The following WDFY1 variants were observed in gnomAD, a reference collection of about 807,000 sequenced individuals.
The protein encoded by WDFY1 is WD repeat and FYVE domain-containing protein 1.
In WDFY1, 32 loss-of-function variants were observed where a neutral mutation model predicts 56.4. The observed-to-expected ratio is 0.57, with a 90% CI of 0.43 to 0.76. The LOEUF (loss-of-function observed/expected upper bound fraction) is 0.76, where lower values mean the gene tolerates loss of function less well. WDFY1 is among the 30% of genes least tolerant of loss of function. The probability of loss-of-function intolerance (pLI) is 0.00; values close to 1 mark genes in which losing one functional copy is unlikely to be tolerated. For missense variants in WDFY1, 480 were observed against 545.7 expected (o/e 0.88, Z 1.20); for synonymous variants, 192 against 197.3 (o/e 0.97, Z 0.23).
intron 4 of WDFY1, among the ~76,000 whole-genome samples, chr2:223,903,442 G>T (rs1200519448): frequency 6.6e-6 from 1 of 151,636 alleles, no homozygotes; most frequent in Non-Finnish European, 1.5e-5. Flanking sequence ...AGAATTGACT[G>T]AACCCAGGAG....
At chr2:223,888,345 G>C (rs1393285820) in intron 8 of WDFY1, among the ~76,000 whole-genome samples, 1 of 152,110 alleles carries the variant, frequency 6.6e-6, no homozygotes, top group Non-Finnish European at 1.5e-5. Flanking sequence ...TGGGATTACA[G>C]GCGTGAGCCA....
At chr2:223,944,301 A>C (rs1302370551) in intron 1 of WDFY1, among the ~76,000 whole-genome samples, 1 of 152,240 alleles carries the variant, frequency 6.6e-6, no homozygotes, top group African/African-American at 2.4e-5. Context: ...AGAGGAGACG[A>C]TTTGGAACTG....
At position 223,937,059 on chromosome 2, in the gene WDFY1, A is replaced by G. The variant is rs150781302; in HGVS notation, c.137+8089T>C. On this transcript the variant is annotated intron_variant, in intron 1 of 11. Coordinates refer to ENST00000233055, the MANE Select transcript of WDFY1 (RefSeq NM_020830.5). ...ATGTGTCAATCTTTCTAGTGAATCA[A>G]TGAACCCGATCTTGAGGATCTCAAA... Among the ~76,000 whole-genome samples the G allele has an allele frequency of 2.8e-3, 421 of 152,328 alleles. 3 individuals carry two copies. Among genetic ancestry groups the G allele is most frequent in the African/African-American group, 9.8e-3 (408 of 41,556 alleles).
intron 2 of WDFY1, among the ~76,000 whole-genome samples, chr2:223,916,748 C>T (rs930878809): frequency 6.6e-6 from 1 of 151,502 alleles, no homozygotes; most frequent in African/African-American, 2.4e-5. Flanking sequence ...AGGATGGTGA[C>T]GCTGCTTAGA....
intron 1 of WDFY1, among the ~76,000 whole-genome samples, chr2:223,929,781 A>G (rs1382915995): frequency 6.6e-6 from 1 of 152,236 alleles, no homozygotes; most frequent in Non-Finnish European, 1.5e-5. Flanking sequence ...GAGAGATACG[A>G]TCTGAAAATC....
At chr2:223,909,564 G>A (rs1693657982) in intron 3 of WDFY1, among the ~76,000 whole-genome samples, 1 of 151,988 alleles carries the variant, frequency 6.6e-6, no homozygotes, top group Non-Finnish European at 1.5e-5. Context: ...AAGCTCACTG[G>A]TATCTTAAAC....
intron 4 of WDFY1, 70 bp from the exon 5 acceptor site, chr2:223,901,403 A>G: frequency 6.4e-7 from 1 of 1,569,312 alleles, no homozygotes; most frequent in Non-Finnish European, 8.7e-7. Context: ...ACTGAGGCTC[A>G]ACCTCTCAAT....
At position 223,894,340 on chromosome 2, in the gene WDFY1, C is replaced by A. The variant is rs1390220279; in HGVS notation, c.726-1G>T. 1 of 1,614,018 alleles carries A rather than the reference C, an allele frequency of 6.2e-7. No homozygotes were observed. Among genetic ancestry groups the A allele is most frequent in the African/African-American group, 1.3e-5 (1 of 74,938 alleles). On this transcript the variant is annotated splice_acceptor_variant, in intron 7 of 11. Coordinates refer to ENST00000233055, the MANE Select transcript of WDFY1 (RefSeq NM_020830.5). LOFTEE classifies it high-confidence loss of function. ...GTAGCACAGCGACTGCACCTTGTCA[C>A]TGCAAACAGCACACACAACAGTCAC...
At chr2:223,894,164 G>T in intron 8 of WDFY1, 70 bp downstream of exon 8, 2 of 1,527,780 alleles carry the variant, frequency 1.3e-6, no homozygotes, top group Non-Finnish European at 1.8e-6. Flanking sequence ...CTTGCGGGGT[G>T]AAAAGCCAAG....
rs184237141 is a variant in WDFY1, at chr2:223,936,621, A to C, written c.137+8527T>G. 2.8e-3 allele frequency among the ~76,000 whole-genome samples: 432 copies of C among 152,286 alleles called. 4 individuals carry two copies. The highest frequency in any genetic ancestry group is 0.01 in the African/African-American group (418 of 41,554). ...AGGCCTGCTGCTGCTGTCCTTAGAA[A>C]GTCTTGCTTGCAAGGTTGGCCCTTG... On this transcript the variant is annotated intron_variant, in intron 1 of 11. Coordinates refer to ENST00000233055, the MANE Select transcript of WDFY1 (RefSeq NM_020830.5).
chr2:223,913,693 T>C (rs1413784767), intron 2 of WDFY1, among the ~76,000 whole-genome samples: 1 of 152,216 alleles, frequency 6.6e-6, no homozygotes. Flanking sequence ...ACTAAATGCA[T>C]TAGTTTTAAG....
chr2:223,919,113 G>A (rs1486116559), intron 1 of WDFY1, among the ~76,000 whole-genome samples: 1 of 152,156 alleles, frequency 6.6e-6, no homozygotes, highest in African/African-American at 2.4e-5. Flanking sequence ...AGGACACCGG[G>A]GATTCCACAG....
At chr2:223,942,122 A>G (rs2106107146) in intron 1 of WDFY1, among the ~76,000 whole-genome samples, 1 of 152,296 alleles carries the variant, frequency 6.6e-6, no homozygotes, top group Non-Finnish European at 1.5e-5. Flanking sequence ...TTCCAAAAAC[A>G]TTTATCAGCA....
In WDFY1 at chr2:223,912,304, G is replaced by C. The variant is rs764611226; in HGVS notation, c.228C>G (p.Tyr76Ter). The C allele has an allele frequency of 6.2e-7, 1 of 1,610,246 alleles. No individual in the cohort carries two copies. Among genetic ancestry groups the C allele is most frequent in the African/African-American group, 1.3e-5 (1 of 74,616 alleles). Residue 76 changes from tyrosine (Y) to a stop codon, truncating the protein, a stop_gained, in exon 3 of 12, where the codon TAC (tyrosine) becomes TAG (stop). Coordinates refer to ENST00000233055, the MANE Select transcript of WDFY1 (RefSeq NM_020830.5). LOFTEE classifies it high-confidence loss of function. ...TMASPCSAMA[Y>*]HHDSRRIFVG... ...CAAATATCCGTCTGCTGTCATGATG[G>C]TAAGCCATAGCAGAGCAAGGAGCTG...
chr2:223,911,818 CTTT>C (rs11311685), intron 3 of WDFY1, among the ~76,000 whole-genome samples: 7 of 141,260 alleles, frequency 5.0e-5, no homozygotes, highest in Admixed American at 7.1e-5. Flanking sequence ...CTGAATTAAA[CTTT>C]TTTTTTTTTT....
intron 1 of WDFY1, among the ~76,000 whole-genome samples, chr2:223,923,923 A>C (rs1021254539): frequency 1.3e-5 from 2 of 152,146 alleles, no homozygotes; most frequent in South Asian, 4.1e-4. Context: ...TATTTTGACA[A>C]TTTTACACCC....
intron 1 of WDFY1, among the ~76,000 whole-genome samples, chr2:223,944,837 G>C (rs1221710996): frequency 6.7e-6 from 1 of 149,874 alleles, no homozygotes. Context: ...AGACACGTTG[G>C]AACAAGGGTC....
chr2:223,899,894 T>C (rs1176964057), intron 5 of WDFY1, among the ~76,000 whole-genome samples: 1 of 152,242 alleles, frequency 6.6e-6, no homozygotes, highest in Non-Finnish European at 1.5e-5. Flanking sequence ...TGAATCCATG[T>C]TTCTTTTGGC....
chr2:223,905,306 G>T (rs765091393), intron 4 of WDFY1, among the ~76,000 whole-genome samples: 2 of 151,744 alleles, frequency 1.3e-5, no homozygotes, highest in Non-Finnish European at 2.9e-5. Context: ...GTAGGAATTT[G>T]TCTTAAAAAA....
Sources: gnomAD v4.1 joint callset for allele counts (sites outside exome capture counted in the v4.1 genomes callset) on GRCh38, gnomAD v4.1.1 for gene constraint, MANE v1.5 for transcripts, NCBI Gene and HGNC (gene_info 2026-07-23, HGNC 2026-07-21) for gene names.